The following RAB6A variants were observed in gnomAD, a reference collection of about 807,000 sequenced individuals.
RAB6A encodes ras-related protein Rab-6A.
Under a neutral mutation model 32.3 loss-of-function variants are expected in RAB6A, and 8 were observed. The ratio of observed to expected loss-of-function variants is 0.25; its 90% CI spans 0.15 to 0.45. RAB6A has a LOEUF of 0.45. Among genes scored for constraint, RAB6A ranks in the 20% least tolerant of loss-of-function variants. The pLI is 1.00. For synonymous variants in RAB6A, 73 were observed against 82.1 expected (o/e 0.89, Z 0.60); for missense variants, 104 against 249.4 (o/e 0.42, Z 3.93).
intron 1 of RAB6A, 128 bp from the exon 2 acceptor site, chr11:73,730,951 A>G: frequency 1.5e-6 from 1 of 659,486 alleles, no homozygotes; most frequent in Non-Finnish European, 2.6e-6. Context: ...AAGAATAATT[A>G]AAACCCATAT....
intron 1 of RAB6A, among the ~76,000 whole-genome samples, chr11:73,755,112 G>A (rs1473654511): frequency 6.6e-6 from 1 of 151,496 alleles, no homozygotes; most frequent in Non-Finnish European, 1.5e-5. Flanking sequence ...TGTATTTTTA[G>A]TAGAGACGGG....
Position 73,722,326 on chromosome 11 carries a change from TATATATATA to T in RAB6A, c.130-1436_130-1428del, listed in dbSNP as rs1565364879. ...GTGTGTATATATATATATATATATA[TATATATATA>T]TATATATATTTTTTTTTTTTTTTTT... On this transcript the variant is annotated intron_variant, in intron 2 of 7. Coordinates refer to ENST00000336083, the MANE Select transcript of RAB6A (RefSeq NM_198896.2). The T allele has an allele frequency of 1.5e-3, 16 of 10,466 alleles. 1 individual carries two copies. The highest frequency in any genetic ancestry group is 4.4e-3 in the African/African-American group (15 of 3,408). 0.6% of individuals were successfully genotyped at this position (10,466 alleles called of 1,614,324 possible).
chr11:73,706,975 G>C lies in RAB6A; in HGVS notation c.495+445C>G, dbSNP rs570705968. Among the ~76,000 whole-genome samples the C allele has an allele frequency of 2.8e-4, 43 of 152,084 alleles. 1 individual carries two copies. In the South Asian group the frequency reaches 7.1e-3, roughly 25 times the overall value. ...CTCTACTAAAAATACAAAATTAGCT[G>C]GGCATGGTGGCGCATGCCAGTAATC... On this transcript the variant is annotated intron_variant, in intron 6 of 7. Coordinates refer to ENST00000336083, the MANE Select transcript of RAB6A (RefSeq NM_198896.2).
intron 6 of RAB6A, among the ~76,000 whole-genome samples, chr11:73,681,685 C>T (rs917500862): frequency 2.0e-5 from 3 of 152,020 alleles, no homozygotes; most frequent in Non-Finnish European, 4.4e-5. Flanking sequence ...AGCGCATGCC[C>T]GTAATCCCAG....
intron 1 of RAB6A, among the ~76,000 whole-genome samples, chr11:73,746,992 G>A (rs1050591864): frequency 9.2e-5 from 14 of 152,236 alleles, no homozygotes; most frequent in African/African-American, 3.1e-4. Flanking sequence ...CTGGAGTGTG[G>A]TGGTGCAATC....
Position 73,739,284 on chromosome 11 carries a change from A to AAAATATAT in RAB6A, c.71-8462_71-8461insATATATTT, listed in dbSNP as rs1208877325. ...TAATTAAAAAAAAAAAAAAAAAAAA[A>AAAATATAT]ATATATATATATATATATATAAATA... On this transcript the variant is annotated intron_variant, in intron 1 of 7. Transcript: ENST00000336083. Among the ~76,000 whole-genome samples, 50 of 6,750 alleles carry AAAATATAT rather than the reference A, an allele frequency of 7.4e-3. 1 individual carries two copies. Among genetic ancestry groups the AAAATATAT allele is most frequent in the Middle Eastern group, 0.05 (1 of 20 alleles). The allele number at this position is 6,750 out of a possible 152,430, so 4.4% of individuals were successfully genotyped here.
chr11:73,723,091 G>A (rs1441239530), intron 2 of RAB6A, among the ~76,000 whole-genome samples: 1 of 152,086 alleles, frequency 6.6e-6, no homozygotes, highest in Non-Finnish European at 1.5e-5. Context: ...TTATAGGCAT[G>A]AGCCAATGTG....
intron 6 of RAB6A, among the ~76,000 whole-genome samples, chr11:73,707,141 A>C (rs941353002): frequency 6.6e-5 from 10 of 151,298 alleles, no homozygotes; most frequent in African/African-American, 1.9e-4. Context: ...AAAAAAAAAA[A>C]AGAAAAGAAA....
chr11:73,677,675 G>C lies in RAB6A; in HGVS notation c.*223C>G, dbSNP rs959244188. On this transcript the variant is annotated 3_prime_UTR_variant, in exon 8 of 8. Coordinates refer to ENST00000336083, the MANE Select transcript of RAB6A (RefSeq NM_198896.2). ...TTTAAAGTTATCACTGGAATATGCT[G>C]AAATATTTTGGCTTTTTGTAAAATA... 26 of 1,208,872 alleles carry C rather than the reference G, an allele frequency of 2.2e-5. No individual in the cohort carries two copies. The African/African-American group carries it at 3.1e-4, about 14-fold the overall frequency. 74.9% of individuals were successfully genotyped at this position (1,208,872 alleles called of 1,614,324 possible). A position where few individuals can be genotyped will look rare whatever the true frequency, so the allele number is the denominator to read the frequency against.
At chr11:73,760,503 G>T in intron 1 of RAB6A, 63 bp downstream of exon 1, 3 of 1,533,050 alleles carry the variant, frequency 2.0e-6, no homozygotes, top group East Asian at 2.5e-5. Context: ...CGGAAGGGCC[G>T]CACCGGGGGC....
chr11:73,719,685 G>A (rs988474336), intron 3 of RAB6A, among the ~76,000 whole-genome samples: 19 of 149,892 alleles, frequency 1.3e-4, no homozygotes, highest in African/African-American at 4.2e-4. Context: ...GTGTGATCTC[G>A]GCTCACTGCA....
chr11:73,690,874 T>C (rs1181351155), intron 6 of RAB6A, among the ~76,000 whole-genome samples: 1 of 118,654 alleles, frequency 8.4e-6, no homozygotes, highest in Non-Finnish European at 1.7e-5. Context: ...AAAATGCAGC[T>C]TCTTTTATTA....
At chr11:73,715,002 G>A (rs1946032161) in intron 5 of RAB6A, among the ~76,000 whole-genome samples, 1 of 152,080 alleles carries the variant, frequency 6.6e-6, no homozygotes. Flanking sequence ...TCTAGAGTGA[G>A]GATAAATAAA....
At chr11:73,755,180 C>G (rs902551673) in intron 1 of RAB6A, among the ~76,000 whole-genome samples, 6 of 152,098 alleles carry the variant, frequency 3.9e-5, no homozygotes, top group African/African-American at 9.7e-5. Context: ...ATCCGCCCAC[C>G]TCGGCCTCTC....
At chr11:73,758,402 A>G (rs1946793277) in intron 1 of RAB6A, among the ~76,000 whole-genome samples, 1 of 152,162 alleles carries the variant, frequency 6.6e-6, no homozygotes, top group Non-Finnish European at 1.5e-5. Context: ...CAAGATGTTG[A>G]TAACAGGGGA....
chr11:73,760,508 G>C (rs905383234), intron 1 of RAB6A, 58 bp downstream of exon 1: 1 of 1,538,814 alleles, frequency 6.5e-7, no homozygotes, highest in Non-Finnish European at 8.8e-7. Flanking sequence ...GGGCCGCACC[G>C]GGGGCGGTGC....
intron 2 of RAB6A, among the ~76,000 whole-genome samples, chr11:73,728,443 T>C (rs180675330): frequency 1.8e-4 from 28 of 152,054 alleles, no homozygotes; most frequent in African/African-American, 5.8e-4. Flanking sequence ...TCAAATAATG[T>C]ATTATGTTTA....
At chr11:73,747,834 G>T (rs1408264064) in intron 1 of RAB6A, among the ~76,000 whole-genome samples, 1 of 152,176 alleles carries the variant, frequency 6.6e-6, no homozygotes, top group East Asian at 1.9e-4. Flanking sequence ...CAGAGGCCAT[G>T]AATTCTTGGC....
intron 5 of RAB6A, among the ~76,000 whole-genome samples, chr11:73,712,771 G>A (rs940358688): frequency 5.9e-5 from 9 of 151,358 alleles, no homozygotes; most frequent in Non-Finnish European, 1.3e-4. Context: ...CCATGCTGGG[G>A]TGCAGTGACA....
Sources: allele counts gnomAD v4.1 joint callset (sites outside exome capture counted in the v4.1 genomes callset), GRCh38; gene constraint gnomAD v4.1.1; transcripts MANE v1.5; gene names NCBI Gene and HGNC (gene_info 2026-07-23, HGNC 2026-07-21).